The following MINDY4B variants were observed in gnomAD, a reference collection of about 807,000 sequenced individuals.
MINDY4B encodes inactive ubiquitin carboxyl-terminal hydrolase MINDY-4B.
A neutral mutation model predicts 16.7 loss-of-function variants in MINDY4B; 25 were observed. The ratio of observed to expected loss-of-function variants is 1.49; its 90% CI spans 1.09 to 2.09. MINDY4B has a LOEUF of 2.09. MINDY4B is among the 30% of genes most tolerant of loss of function. The probability of loss-of-function intolerance (pLI) is 0.00; values close to 1 mark genes in which losing one functional copy is unlikely to be tolerated. For missense variants in MINDY4B, 327 were observed against 168.4 expected (o/e 1.94, Z -5.21); for synonymous variants, 132 against 61.9 (o/e 2.13, Z -5.32).
chr3:150,890,619 G>C, intron 6 of MINDY4B: 1 of 491,272 alleles, frequency 2.0e-6, no homozygotes, highest in East Asian at 3.0e-5. Flanking sequence ...ATCTTGAGCA[G>C]TAAAACTAGA....
Position 150,891,761 on chromosome 3 carries a change from CAAA to C in MINDY4B, c.522-661_522-659del, listed in dbSNP as rs35565267. On this transcript the variant is annotated intron_variant, in intron 5 of 11. Transcript: ENST00000465419. ...TGGGTGACAGAGTGAGACTCCATCT[CAAA>C]AAAAAAAAAAAAAAAAAAAAGTCAA... Among the ~76,000 whole-genome samples, 117 of 68,620 alleles carry C rather than the reference CAAA, an allele frequency of 1.7e-3. 2 individuals are homozygous for C. The South Asian group carries it at 0.021, about 12-fold the overall frequency. 45.0% of individuals were successfully genotyped at this position (68,620 alleles called of 152,430 possible). A position where few individuals can be genotyped will look rare whatever the true frequency, so the allele number is the denominator to read the frequency against.
chr3:150,888,401 A>G (rs538286185), intron 7 of MINDY4B, among the ~76,000 whole-genome samples: 26 of 152,074 alleles, frequency 1.7e-4, no homozygotes, highest in East Asian at 1.9e-4. Flanking sequence ...GTACCAGGGG[A>G]GGGGGTCAGA....
chr3:150,879,633 C>T (rs1559964682), intron 10 of MINDY4B, among the ~76,000 whole-genome samples: 1 of 152,168 alleles, frequency 6.6e-6, no homozygotes, highest in East Asian at 1.9e-4. Flanking sequence ...TGTGGGGGCC[C>T]TCGTTCAAAC....
chr3:150,897,353 G>GTGTA (rs1712002934), intron 3 of MINDY4B, among the ~76,000 whole-genome samples: 1 of 151,490 alleles, frequency 6.6e-6, no homozygotes, highest in African/African-American at 2.4e-5. Context: ...GTGTGTGTGT[G>GTGTA]TGTGTGTGTG....
intron 3 of MINDY4B, among the ~76,000 whole-genome samples, chr3:150,901,807 C>T (rs1213697137): frequency 2.0e-5 from 3 of 152,110 alleles, no homozygotes; most frequent in South Asian, 4.1e-4. Flanking sequence ...AGATGTGAGC[C>T]ACCATGCCCG....
intron 3 of MINDY4B, among the ~76,000 whole-genome samples, chr3:150,900,426 G>A (rs1712088030): frequency 6.6e-6 from 1 of 152,194 alleles, no homozygotes; most frequent in African/African-American, 2.4e-5. Flanking sequence ...GTGGTATTAG[G>A]ATTCAATAGC....
At chr3:150,886,545 C>T (rs569677320) in intron 7 of MINDY4B, among the ~76,000 whole-genome samples, 42 of 152,332 alleles carry the variant, frequency 2.8e-4, no homozygotes, top group Middle Eastern at 3.4e-3. Flanking sequence ...TAAAACAACA[C>T]GAATTTATTA....
At chr3:150,905,183 C>G in intron 1 of MINDY4B, 94 bp from the exon 2 acceptor site, 1 of 398,374 alleles carries the variant, frequency 2.5e-6, no homozygotes, top group Non-Finnish European at 4.4e-6. Context: ...CTAGGGAAGT[C>G]TCTGTCCACG....
At chr3:150,875,877 C>A (rs1205728671) in intron 10 of MINDY4B, among the ~76,000 whole-genome samples, 2 of 152,200 alleles carry the variant, frequency 1.3e-5, no homozygotes, top group Admixed American at 6.5e-5. Context: ...CAAAACAAAG[C>A]ACCTTCCAAC....
At chr3:150,894,373 C>T (rs995801335) in intron 3 of MINDY4B, 68 bp from the exon 4 acceptor site, 92 of 619,046 alleles carry the variant, frequency 1.5e-4, no homozygotes, top group African/African-American at 1.5e-3. Flanking sequence ...TCATGGTGGC[C>T]TCATGGCCAC....
chr3:150,877,058 T>C (rs1185576252), intron 10 of MINDY4B, among the ~76,000 whole-genome samples: 1 of 152,110 alleles, frequency 6.6e-6, no homozygotes, highest in African/African-American at 2.4e-5. Context: ...TCTTTTTTTT[T>C]TAAAGTCTCA....
chr3:150,903,883 T>G (rs564887518), intron 2 of MINDY4B, among the ~76,000 whole-genome samples: 2,117 of 150,878 alleles, frequency 0.014, 46 homozygotes, highest in African/African-American at 0.048. Flanking sequence ...ATAATCGTTC[T>G]TTTTCCTTAA....
chr3:150,879,424 C>T (rs1711503594), intron 10 of MINDY4B, among the ~76,000 whole-genome samples: 1 of 152,146 alleles, frequency 6.6e-6, no homozygotes, highest in African/African-American at 2.4e-5. Context: ...CCACAGCAAA[C>T]AATTAACCAC....
At chr3:150,883,596 A>G in intron 9 of MINDY4B, 104 bp downstream of exon 9, 2 of 650,124 alleles carry the variant, frequency 3.1e-6, no homozygotes, top group Admixed American at 4.9e-5. Flanking sequence ...ATTAGAAAAC[A>G]ATCCAAAATT....
At chr3:150,873,462 G>A in intron 10 of MINDY4B, 95 bp from the exon 11 acceptor site, 2 of 635,606 alleles carry the variant, frequency 3.1e-6, no homozygotes, top group Non-Finnish European at 5.7e-6. Context: ...CAGCTCTGAG[G>A]TTTCTTGTTG....
Position 150,870,954 on chromosome 3 carries a change from A to C in MINDY4B, c.*91T>G. On this transcript the variant is annotated 3_prime_UTR_variant, in exon 12 of 12. Transcript: ENST00000465419. ...TTTTTTGGTGGGGCTTGTGAATGAGAAATATGGAAACGATTGGTCTCCCCC... is the reference window on the plus strand; with the variant it reads ...TTTTTTGGTGGGGCTTGTGAATGAGCAATATGGAAACGATTGGTCTCCCCC... The C allele has an allele frequency of 1.6e-6, 1 of 616,158 alleles. No individual in the cohort carries two copies. Among genetic ancestry groups the C allele is most frequent in the Non-Finnish European group, 2.9e-6 (1 of 347,068 alleles). The allele number at this position is 616,158 out of a possible 1,614,324, so 38.2% of individuals were successfully genotyped here. A position where few individuals can be genotyped will look rare whatever the true frequency, so the allele number is the denominator to read the frequency against.
intron 7 of MINDY4B, among the ~76,000 whole-genome samples, chr3:150,889,336 CATCGAAGCGG>C (rs1373255571): frequency 6.6e-6 from 1 of 152,230 alleles, no homozygotes; most frequent in Non-Finnish European, 1.5e-5. Flanking sequence ...TCTCTTCCAT[CATCGAAGCGG>C]ATCCAAGCCC....
At position 150,872,147 on chromosome 3, in the gene MINDY4B, A is replaced by G. The variant is rs148859849; in HGVS notation, c.1241-960T>C. On this transcript the variant is annotated intron_variant, in intron 11 of 11. Coordinates refer to ENST00000465419, the MANE Select transcript of MINDY4B (RefSeq NM_001351281.2). ...TAATGCCTGTGAGGCTTTCAACACAATGCCCAGAACAGAAAGCAAATGATT... is the reference window on the plus strand; with the variant it reads ...TAATGCCTGTGAGGCTTTCAACACAGTGCCCAGAACAGAAAGCAAATGATT... 1.5e-3 allele frequency among the ~76,000 whole-genome samples: 223 copies of G among 152,348 alleles called. 1 individual carries two copies. The highest frequency in any genetic ancestry group is 5.1e-3 in the African/African-American group (214 of 41,564).
chr3:150,905,353 T>C lies in MINDY4B; in HGVS notation c.87A>G (p.Lys29=). The part of the protein sequence containing the change: ...EISRKISFLD[K]WREIFSYHRL... Reference sequence around the variant, plus strand: ...TGTGATAACTAAAGATTTCCCTCCATTTGTCAAGGAATGAAATTTTCCTTG... The same window carrying C: ...TGTGATAACTAAAGATTTCCCTCCACTTGTCAAGGAATGAAATTTTCCTTG... The change falls in exon 1 of 12, where the codon AAA becomes AAG. Residue 29 remains lysine, a synonymous_variant. Transcript: ENST00000465419. 1 of 398,516 alleles carries C rather than the reference T, an allele frequency of 2.5e-6. No homozygotes were observed. The highest frequency in any genetic ancestry group is 4.4e-6 in the Non-Finnish European group (1 of 225,978). The allele number at this position is 398,516 out of a possible 1,614,324, so 24.7% of individuals were successfully genotyped here. A position where few individuals can be genotyped will look rare whatever the true frequency, so the allele number is the denominator to read the frequency against.
Sources: allele counts gnomAD v4.1 joint callset (sites outside exome capture counted in the v4.1 genomes callset), GRCh38; gene constraint gnomAD v4.1.1; transcripts MANE v1.5; gene names NCBI Gene and HGNC (gene_info 2026-07-23, HGNC 2026-07-21).